Variants in ROBO2 observed in about 807,000 individuals in gnomAD.
The protein encoded by ROBO2 is roundabout guidance receptor 2.
A neutral mutation model predicts 160.8 loss-of-function variants in ROBO2; 53 were observed. The observed-to-expected ratio is 0.33, with a 90% CI of 0.26 to 0.41. The LOEUF (loss-of-function observed/expected upper bound fraction) is 0.41, where lower values mean the gene tolerates loss of function less well. ROBO2 is among the 10% of genes least tolerant of loss of function. The pLI, the probability that ROBO2 is intolerant of heterozygous loss-of-function variation, is 1.00. For synonymous variants in ROBO2, 664 were observed against 611.7 expected, an observed-to-expected ratio of 1.09 and a Z score of -1.26; for missense variants, 1,577 against 1,722.4, an observed-to-expected ratio of 0.92 and a Z score of 1.49.
At chr3:76,238,016 C>G (rs1429174031) in intron 2 of ROBO2, among the ~76,000 whole-genome samples, 1 of 152,108 alleles carries the variant, frequency 6.6e-6, no homozygotes, top group African/African-American at 2.4e-5. Context: ...AAGTCCCATT[C>G]TTTTACTCTA....
At chr3:76,947,258 T>C (rs1448882869) in intron 2 of ROBO2, among the ~76,000 whole-genome samples, 5 of 152,058 alleles carry the variant, frequency 3.3e-5, no homozygotes, top group African/African-American at 1.2e-4. Context: ...AGTACTTTAA[T>C]TCTTTCTATA....
At chr3:76,097,849 G>A (rs1400381486) in intron 2 of ROBO2, among the ~76,000 whole-genome samples, 1 of 151,912 alleles carries the variant, frequency 6.6e-6, no homozygotes, top group African/African-American at 2.4e-5. Flanking sequence ...TGAATAAGAG[G>A]TCAAGTTGGG....
At chr3:77,289,485 A>C (rs146385753) in intron 2 of ROBO2, among the ~76,000 whole-genome samples, 48,763 of 150,548 alleles carry the variant, frequency 0.32, 8,142 homozygotes, top group Non-Finnish European at 0.36. Flanking sequence ...TAGAGCACTA[A>C]AGATATAAAG....
At chr3:76,962,470 T>C (rs550819555) in intron 2 of ROBO2, among the ~76,000 whole-genome samples, 27 of 151,310 alleles carry the variant, frequency 1.8e-4, no homozygotes, top group African/African-American at 6.1e-4. Flanking sequence ...GAAAGCCCGT[T>C]TCTACTAAAA....
At chr3:76,833,982 T>TTTCTTTCC (rs2067310654) in intron 2 of ROBO2, among the ~76,000 whole-genome samples, 1 of 98,994 alleles carries the variant, frequency 1.0e-5, no homozygotes, top group Non-Finnish European at 2.4e-5. Context: ...CTTTCTTTTC[T>TTTCTTTCC]TTCTTTCTTT....
intron 2 of ROBO2, among the ~76,000 whole-genome samples, chr3:76,595,588 G>A (rs1447786): frequency 0.047 from 7,113 of 151,988 alleles, 186 homozygotes; most frequent in African/African-American, 0.068. Flanking sequence ...AAGCATGAAC[G>A]TGATCTTTAA....
chr3:75,967,294 T>A (rs1949149501), intron 2 of ROBO2, among the ~76,000 whole-genome samples: 1 of 151,640 alleles, frequency 6.6e-6, no homozygotes, highest in Non-Finnish European at 1.5e-5. Context: ...ATTGTCTATA[T>A]GCCAATCTTG....
chr3:76,434,854 C>A, intron 2 of ROBO2: 1 of 1,576,682 alleles, frequency 6.3e-7, no homozygotes, highest in Non-Finnish European at 8.7e-7. Context: ...AAGAACCCTG[C>A]CCTGAAGGCT....
chr3:76,827,147 T>G (rs1181385677), intron 2 of ROBO2, among the ~76,000 whole-genome samples: 1 of 152,136 alleles, frequency 6.6e-6, no homozygotes, highest in Non-Finnish European at 1.5e-5. Context: ...AGATTTGGAC[T>G]AAGATAGCTG....
chr3:76,254,797 G>C (rs1706255861), intron 2 of ROBO2, among the ~76,000 whole-genome samples: 1 of 151,854 alleles, frequency 6.6e-6, no homozygotes. Flanking sequence ...TCCGTGGACT[G>C]TTTCAACATC....
intron 2 of ROBO2, among the ~76,000 whole-genome samples, chr3:76,651,680 A>T (rs2091265311): frequency 6.6e-6 from 1 of 152,074 alleles, no homozygotes; most frequent in Admixed American, 6.6e-5. Flanking sequence ...ATTAAATGTG[A>T]AAACTAGTTA....
At chr3:77,157,907 A>T (rs2150582831) in intron 2 of ROBO2, among the ~76,000 whole-genome samples, 1 of 152,208 alleles carries the variant, frequency 6.6e-6, no homozygotes, top group South Asian at 2.1e-4. Flanking sequence ...ACACAGTGAA[A>T]GTCCTTGAAT....
At chr3:77,512,681 G>A (rs555456711) in intron 5 of ROBO2, among the ~76,000 whole-genome samples, 1 of 151,986 alleles carries the variant, frequency 6.6e-6, no homozygotes, top group Admixed American at 6.6e-5. Context: ...AAATTTTCTT[G>A]AATTATGGAA....
chr3:76,734,802 C>T (rs3843875), intron 2 of ROBO2, among the ~76,000 whole-genome samples: 99,102 of 152,042 alleles, frequency 0.65, 32,438 homozygotes, highest in African/African-American at 0.72. Context: ...AAGATCAGCA[C>T]CCCCAAAACT....
intron 2 of ROBO2, among the ~76,000 whole-genome samples, chr3:76,490,492 G>T (rs1166146185): frequency 6.6e-6 from 1 of 152,108 alleles, no homozygotes; most frequent in African/African-American, 2.4e-5. Context: ...TTGACACAAA[G>T]AAAAAGAGTT....
chr3:76,082,670 T>C (rs2108036830), intron 2 of ROBO2, among the ~76,000 whole-genome samples: 1 of 152,228 alleles, frequency 6.6e-6, no homozygotes, highest in South Asian at 2.1e-4. Flanking sequence ...ATCACCTTCT[T>C]TAAATAACAG....
intron 2 of ROBO2, among the ~76,000 whole-genome samples, chr3:76,610,967 G>A (rs1217071991): frequency 6.6e-6 from 1 of 152,202 alleles, no homozygotes; most frequent in Non-Finnish European, 1.5e-5. Flanking sequence ...CAGAAGGAAA[G>A]CTCTCAGCTG....
intron 2 of ROBO2, among the ~76,000 whole-genome samples, chr3:76,324,911 C>G (rs971941948): frequency 6.6e-6 from 1 of 152,152 alleles, no homozygotes; most frequent in Non-Finnish European, 1.5e-5. Flanking sequence ...TCGAGACCAT[C>G]CTGGCTAACA....
chr3:77,309,835 T>C (rs1044864010), intron 2 of ROBO2, among the ~76,000 whole-genome samples: 10 of 152,166 alleles, frequency 6.6e-5, no homozygotes, highest in African/African-American at 2.4e-4. Flanking sequence ...CATAGAGAGA[T>C]AACTGATTTT....
Sources: gnomAD v4.1 joint callset for allele counts (sites outside exome capture counted in the v4.1 genomes callset) on GRCh38, gnomAD v4.1.1 for gene constraint, MANE v1.5 for transcripts, NCBI Gene and HGNC (gene_info 2026-07-23, HGNC 2026-07-21) for gene names.